Variants in KIZ observed in about 807,000 individuals in gnomAD.
KIZ encodes centrosomal protein kizuna.
In KIZ, 68 loss-of-function variants were observed where a neutral mutation model predicts 79.6. That is an observed-to-expected ratio of 0.85 (90% CI 0.70 to 1.05). The LOEUF (loss-of-function observed/expected upper bound fraction) is 1.05, where lower values mean the gene tolerates loss of function less well. Among genes scored for constraint, KIZ ranks in the 50% least tolerant of loss-of-function variants. The probability of loss-of-function intolerance (pLI) is 0.00; values close to 1 mark genes in which losing one functional copy is unlikely to be tolerated. For synonymous variants in KIZ, 280 were observed against 281.8 expected (o/e 0.99, Z 0.06); for missense variants, 797 against 800.4 (o/e 1.00, Z 0.05).
rs1017967338 is a variant in KIZ, at chr20:21,232,714, C to T, written c.1784-20C>T. 2.2e-6 allele frequency: 3 copies of T among 1,334,864 alleles called. No individual in the cohort carries two copies. The highest frequency in any genetic ancestry group is 3.2e-6 in the Non-Finnish European group (3 of 939,312). The allele number at this position is 1,334,864 out of a possible 1,614,324, so 82.7% of individuals were successfully genotyped here. On this transcript the variant is annotated intron_variant, in intron 10 of 12. Coordinates refer to ENST00000619189, the MANE Select transcript of KIZ (RefSeq NM_018474.6). ...TGCATGACAGCTAACCCTCACTCTC[C>T]ATGTTTACGCTTATCACAGGTTTGA...
At chr20:21,159,917 T>C (rs2033575775) in intron 4 of KIZ, among the ~76,000 whole-genome samples, 1 of 152,214 alleles carries the variant, frequency 6.6e-6, no homozygotes, top group Non-Finnish European at 1.5e-5. Context: ...TGTTTAACTT[T>C]TTCAGGAGCT....
Position 21,188,543 on chromosome 20 carries a change from TATG to T in KIZ, c.1353-16943_1353-16941del, listed in dbSNP as rs554107254. 2.8e-3 allele frequency among the ~76,000 whole-genome samples: 433 copies of T among 152,012 alleles called. 2 individuals are homozygous for T. The highest frequency in any genetic ancestry group is 7.7e-3 in the South Asian group (37 of 4,826). ...TTATAAGGGTGTTGACTGTGACCCT[TATG>T]ATGAGGAGGAAAGGGATCACCCCTT... On this transcript the variant is annotated intron_variant, in intron 6 of 12. Transcript: ENST00000619189.
intron 6 of KIZ, among the ~76,000 whole-genome samples, chr20:21,187,714 G>C (rs186277489): frequency 2.6e-5 from 4 of 152,242 alleles, no homozygotes; most frequent in Admixed American, 2.6e-4. Flanking sequence ...ATGGTCCTGC[G>C]TCAGCCGTTA....
chr20:21,196,758 A>G (rs1225521796), intron 6 of KIZ: 1 of 152,252 alleles, frequency 6.6e-6, no homozygotes, highest in African/African-American at 2.4e-5. Context: ...CTGGAGCACC[A>G]ACAGTGTGGA....
intron 3 of KIZ, among the ~76,000 whole-genome samples, chr20:21,136,760 T>A (rs982545239): frequency 2.0e-5 from 3 of 152,172 alleles, no homozygotes; most frequent in African/African-American, 7.2e-5. Flanking sequence ...GGATTACAGA[T>A]GCACACCCCA....
intron 6 of KIZ, among the ~76,000 whole-genome samples, chr20:21,188,676 T>TTTTTTTTATTTATTTA (rs1555882086): frequency 7.1e-6 from 1 of 141,834 alleles, no homozygotes; most frequent in African/African-American, 2.7e-5. Context: ...TTGCATTTTA[T>TTTTTTTTATTTATTTA]TTTATTTATT....
At chr20:21,197,501 A>G (rs1478855636) in intron 6 of KIZ, 1 of 152,240 alleles carries the variant, frequency 6.6e-6, no homozygotes, top group Non-Finnish European at 1.5e-5. Context: ...TTGACAATAT[A>G]AAATTAGCCT....
chr20:21,154,976 T>A (rs1234011281), intron 4 of KIZ, among the ~76,000 whole-genome samples: 2 of 152,240 alleles, frequency 1.3e-5, no homozygotes, highest in Non-Finnish European at 2.9e-5. Context: ...TGGAGCTAGT[T>A]CAAATGCAGC....
At chr20:21,169,553 A>G (rs929918050) in intron 6 of KIZ, among the ~76,000 whole-genome samples, 3 of 152,214 alleles carry the variant, frequency 2.0e-5, no homozygotes, top group African/African-American at 7.2e-5. Flanking sequence ...TAGAAATACC[A>G]TTTGACCCAG....
At position 21,162,031 on chromosome 20, in the gene KIZ, C is replaced by T. The variant is rs6075771; in HGVS notation, c.566C>T (p.Pro189Leu). The T allele has an allele frequency of 6.2e-7, 1 of 1,613,844 alleles. No homozygotes were observed. Among genetic ancestry groups the T allele is most frequent in the East Asian group, 2.2e-5 (1 of 44,890 alleles). Residue 189 changes from proline to leucine, a missense_variant, in exon 5 of 13, where the codon CCT (proline) becomes CTT (leucine). By Grantham distance (98) the Pro-to-Leu change is moderately conservative. Transcript: ENST00000619189. ...CAGCCCACAAAGAACTTTTCAATTC[C>T]TGACCCACATTCACACCGACAGACA... ...SPQPTKNFSI[P>L]DPHSHRQTAQ...
rs1241646601 is a variant in KIZ at position 21,229,061 on chromosome 20, A to T, written c.1729A>T (p.Asn577Tyr). ...LKKATLQDNT[N>Y]QTENRFQKTD... The stretch of plus-strand genomic sequence containing the variant: ...GAAGGCCACCCTTCAGGATAATACA[A>T]ATCAAACTGAAAACAGGTTTCAAAA... The change falls in exon 10 of 13, where the codon AAT (asparagine) becomes TAT (tyrosine). Residue 577 changes from asparagine (N) to tyrosine (Y), a missense_variant. Transcript: ENST00000619189. 2 of 1,612,690 alleles carry T rather than the reference A, an allele frequency of 1.2e-6. No homozygotes were observed. Among genetic ancestry groups the T allele is most frequent in the Non-Finnish European group, 1.7e-6 (2 of 1,179,186 alleles).
chr20:21,176,630 A>G (rs924932028), intron 6 of KIZ, among the ~76,000 whole-genome samples: 1 of 152,114 alleles, frequency 6.6e-6, no homozygotes, highest in Non-Finnish European at 1.5e-5. Context: ...AGACTCAGAT[A>G]TGGCAGATGT....
intron 6 of KIZ, among the ~76,000 whole-genome samples, chr20:21,172,978 T>C (rs1172550134): frequency 6.6e-6 from 1 of 152,096 alleles, no homozygotes; most frequent in Admixed American, 6.5e-5. Context: ...AACAGCAAAG[T>C]GGCTGGTGCA....
At chr20:21,131,453 A>G (rs2031836774) in intron 1 of KIZ, among the ~76,000 whole-genome samples, 1 of 152,184 alleles carries the variant, frequency 6.6e-6, no homozygotes, top group Non-Finnish European at 1.5e-5. Flanking sequence ...GGCCAGGTTT[A>G]CTTTTCAGAG....
chr20:21,219,969 C>A (rs1390251353), intron 9 of KIZ, among the ~76,000 whole-genome samples: 3 of 152,096 alleles, frequency 2.0e-5, no homozygotes, highest in African/African-American at 7.2e-5. Context: ...CCTGTATGAT[C>A]TGTTGTTGTG....
chr20:21,243,534 C>G (rs1332522994), intron 11 of KIZ, among the ~76,000 whole-genome samples: 4 of 152,138 alleles, frequency 2.6e-5, no homozygotes, highest in African/African-American at 9.7e-5. Context: ...TCAGGCAATT[C>G]TGAAAGAATC....
At chr20:21,179,242 T>A (rs1177457384) in intron 6 of KIZ, among the ~76,000 whole-genome samples, 1 of 150,952 alleles carries the variant, frequency 6.6e-6, no homozygotes, top group African/African-American at 2.4e-5. Flanking sequence ...AGGTTTTTGA[T>A]TACTGATTCA....
chr20:21,177,219 T>G (rs1356093983), intron 6 of KIZ, among the ~76,000 whole-genome samples: 1 of 152,200 alleles, frequency 6.6e-6, no homozygotes, highest in Non-Finnish European at 1.5e-5. Context: ...TGTACTAGAG[T>G]TCCAGTTTCT....
chr20:21,162,979 G>T lies in KIZ; in HGVS notation c.1172G>T (p.Ser391Ile), dbSNP rs1186702477. 1.2e-6 allele frequency: 2 copies of T among 1,613,836 alleles called. No individual in the cohort carries two copies. ...AGTGAAGATGATCTGATTTTAGAGA[G>T]CCCAGAACCACAGCCAAATCCAGGT... Reference protein sequence around the residue: ...SISEDDLILESPEPQPNPGGK... With the variant: ...SISEDDLILEIPEPQPNPGGK... The change falls in exon 6 of 13, where the codon AGC becomes ATC. Residue 391 changes from serine (S) to isoleucine (I), a missense_variant. Ser to Ile is a moderately radical substitution (Grantham distance 142). Coordinates refer to ENST00000619189, the MANE Select transcript of KIZ (RefSeq NM_018474.6).
Sources: gnomAD v4.1 joint callset for allele counts (sites outside exome capture counted in the v4.1 genomes callset) on GRCh38, gnomAD v4.1.1 for gene constraint, MANE v1.5 for transcripts, NCBI Gene and HGNC (gene_info 2026-07-23, HGNC 2026-07-21) for gene names.